The following DNAH14 variants were observed in gnomAD, a reference collection of about 807,000 sequenced individuals.
The protein encoded by DNAH14 is dynein axonemal heavy chain 14, also known as axonemal beta dynein heavy chain 14.
Under a neutral mutation model 520.9 loss-of-function variants are expected in DNAH14, and 478 were observed. That is an observed-to-expected ratio of 0.92 (90% CI 0.85 to 0.99). The LOEUF (loss-of-function observed/expected upper bound fraction) is 0.99, where lower values mean the gene tolerates loss of function less well. DNAH14 is among the 50% of genes least tolerant of loss of function. DNAH14 has a pLI of 0.00. For synonymous variants in DNAH14, 1,581 were observed against 1,757.2 expected (o/e 0.90, Z 2.51); for missense variants, 4,831 against 5,234.5 (o/e 0.92, Z 2.38).
chr1:225,346,755 T>A, intron 71 of DNAH14, 101 bp downstream of exon 71: 1 of 876,060 alleles, frequency 1.1e-6, no homozygotes, highest in Non-Finnish European at 1.7e-6. Flanking sequence ...TTGATTAAAG[T>A]AAAAGTAGCT....
At chr1:225,063,352 T>C (rs1175383050) in intron 17 of DNAH14, among the ~76,000 whole-genome samples, 1 of 152,184 alleles carries the variant, frequency 6.6e-6, no homozygotes, top group African/African-American at 2.4e-5. Context: ...GTAAATGCTG[T>C]GTAACTAATT....
intron 12 of DNAH14, among the ~76,000 whole-genome samples, chr1:225,039,598 ATCTTT>A (rs2067265961): frequency 6.6e-6 from 1 of 151,924 alleles, no homozygotes. Flanking sequence ...AAAAAAAGAA[ATCTTT>A]TCTTGCCAGA....
intron 4 of DNAH14, among the ~76,000 whole-genome samples, chr1:224,960,867 A>T (rs2060801780): frequency 1.3e-5 from 2 of 152,166 alleles, no homozygotes; most frequent in Admixed American, 6.6e-5. Context: ...TCTCACTCAC[A>T]CAGGCTTCAT....
rs183661389 is a variant in DNAH14, at chr1:225,173,177, A to G, written c.5535+5149A>G. Among the ~76,000 whole-genome samples, 731 of 152,350 alleles carry G rather than the reference A, an allele frequency of 4.8e-3. 5 individuals are homozygous for G. Among genetic ancestry groups the G allele is most frequent in the Non-Finnish European group, 8.4e-3 (573 of 68,030 alleles). ...AACCCTAGAAGAAAACCTAGGCAATACCATTCAGGACATAGGCATGGCCAA... is the reference window on the plus strand; with the variant it reads ...AACCCTAGAAGAAAACCTAGGCAATGCCATTCAGGACATAGGCATGGCCAA... On this transcript the variant is annotated intron_variant, in intron 36 of 85. Transcript: ENST00000682510.
Position 225,367,957 on chromosome 1 carries a change from T to C in DNAH14, c.12243T>C (p.Ala4081=). ...KLLFSLCFFN[A]VINERKNYGI... is the part of the protein sequence containing the mutation. ...TATTTAGCCTATGTTTTTTCAATGC[T>C]GTAATCAATGAAAGAAAAAATTACG... Residue 4081 remains alanine (A), a synonymous_variant, in exon 77 of 86, where the codon GCT becomes GCC. Transcript: ENST00000682510. 6.4e-7 allele frequency: 1 copy of C among 1,551,570 alleles called. No individual in the cohort carries two copies. Among genetic ancestry groups the C allele is most frequent in the Non-Finnish European group, 8.7e-7 (1 of 1,146,932 alleles).
chr1:225,322,889 G>A lies in DNAH14; in HGVS notation c.9495+66G>A, dbSNP rs116058527. 5.8e-4 allele frequency: 796 copies of A among 1,377,646 alleles called. 4 individuals are homozygous for A. In the African/African-American group the frequency reaches 0.011, roughly 19 times the overall value. The allele number at this position is 1,377,646 out of a possible 1,614,324, so 85.3% of individuals were successfully genotyped here. On this transcript the variant is annotated intron_variant, in intron 62 of 85. Transcript: ENST00000682510. ...GTCTGTGGGATCAAACAGACCACCT[G>A]CCATCTAAATTGTTCTATTCTTAGA...
chr1:225,303,652 T>G (rs1411065817), intron 57 of DNAH14, among the ~76,000 whole-genome samples: 2 of 152,124 alleles, frequency 1.3e-5, no homozygotes, highest in African/African-American at 4.8e-5. Context: ...CATACCAGAT[T>G]CTATGGTAAG....
At chr1:225,336,046 C>CATACATACTT (rs2095040448) in intron 66 of DNAH14, among the ~76,000 whole-genome samples, 1 of 141,578 alleles carries the variant, frequency 7.1e-6, no homozygotes, top group African/African-American at 2.6e-5. Context: ...CACATATATG[C>CATACATACTT]ATATATACAT....
intron 46 of DNAH14, among the ~76,000 whole-genome samples, chr1:225,263,484 C>T (rs2093010241): frequency 6.6e-6 from 1 of 151,802 alleles, no homozygotes; most frequent in Admixed American, 6.6e-5. Context: ...CCTAGGTCCC[C>T]ATTTTTGCCC....
intron 16 of DNAH14, among the ~76,000 whole-genome samples, chr1:225,051,048 G>T (rs190398414): frequency 7.2e-5 from 11 of 152,228 alleles, no homozygotes; most frequent in Admixed American, 5.2e-4. Context: ...ACCACTCACC[G>T]CCTGCTGTGT....
intron 1 of DNAH14, among the ~76,000 whole-genome samples, chr1:224,940,900 C>T (rs954425013): frequency 1.3e-5 from 2 of 152,106 alleles, no homozygotes; most frequent in African/African-American, 4.8e-5. Context: ...TGCCACATTT[C>T]CTTAATCCAG....
chr1:225,288,642 A>T (rs959372173), intron 54 of DNAH14, among the ~76,000 whole-genome samples: 1 of 152,134 alleles, frequency 6.6e-6, no homozygotes, highest in Non-Finnish European at 1.5e-5. Context: ...GTTTATTTTT[A>T]AAAATAGACA....
At chr1:225,040,415 C>G (rs540226535) in intron 12 of DNAH14, among the ~76,000 whole-genome samples, 36 of 152,114 alleles carry the variant, frequency 2.4e-4, no homozygotes, top group African/African-American at 7.2e-4. Flanking sequence ...AGTAATTTTA[C>G]TTTCGTATAT....
intron 1 of DNAH14, among the ~76,000 whole-genome samples, chr1:224,940,031 T>G (rs542644890): frequency 6.6e-6 from 1 of 152,356 alleles, no homozygotes; most frequent in African/African-American, 2.4e-5. Flanking sequence ...GCTGAGTAGT[T>G]TTGCTGCTCT....
intron 39 of DNAH14, 72 bp downstream of exon 39, chr1:225,204,345 A>G (rs957716402): frequency 3.4e-6 from 3 of 876,852 alleles, no homozygotes; most frequent in Non-Finnish European, 3.4e-6. Context: ...AGCTATATTT[A>G]TATGTTTAAA....
In DNAH14 at chr1:225,398,635, A is replaced by AT. The variant is rs1558639157; in HGVS notation, c.13611dup (p.Pro4538SerfsTer29). 1.3e-6 allele frequency: 2 copies of AT among 1,551,690 alleles called. No homozygotes were observed. Among genetic ancestry groups the AT allele is most frequent in the South Asian group, 2.4e-5 (2 of 84,062 alleles). On this transcript the variant is annotated frameshift_variant, in exon 85 of 86. Coordinates refer to ENST00000682510, the MANE Select transcript of DNAH14 (RefSeq NM_001367479.1). LOFTEE classifies it low-confidence loss of function (END_TRUNC). ...TCGCTGCCTCTGGAGATGTGCTGTG[A>AT]TTTTCCCGACATATACTTTTTGCCA...
In DNAH14 at chr1:225,080,404, C is replaced by A. The variant is rs115366080; in HGVS notation, c.2792C>A (p.Ala931Asp). ...ATAAGAACTCCTCTTCTGTTATGTGCTGGTACTCAAGTGTCAACAGCAATG... is the reference window on the plus strand; with the variant it reads ...ATAAGAACTCCTCTTCTGTTATGTGATGGTACTCAAGTGTCAACAGCAATG... ...AKIRTPLLLC[A>D]GTQVSTAMEM... The change falls in exon 19 of 86, where the codon GCT becomes GAT. Residue 931 changes from alanine to aspartate, a missense_variant. Transcript: ENST00000682510. The A allele has an allele frequency of 0.037, 57,605 of 1,545,784 alleles. 1,263 individuals are homozygous for A. Among genetic ancestry groups the A allele is most frequent in the Middle Eastern group, 0.066 (395 of 5,958 alleles).
rs1280324867 is a variant in DNAH14, at chr1:224,952,221, C to G, written c.-33-449C>G. Among the ~76,000 whole-genome samples, 3 of 152,294 alleles carry G rather than the reference C, an allele frequency of 2.0e-5. No homozygotes were observed. In the East Asian group the frequency reaches 5.8e-4, roughly 29 times the overall value. On this transcript the variant is annotated intron_variant, in intron 1 of 85. Coordinates refer to ENST00000682510, the MANE Select transcript of DNAH14 (RefSeq NM_001367479.1). ...CCACTCCCTTTTGTTCTATTCTATTCTGTCTGAAGAACGCTAGTAGTATAT... is the reference window on the plus strand; with the variant it reads ...CCACTCCCTTTTGTTCTATTCTATTGTGTCTGAAGAACGCTAGTAGTATAT...
At position 225,346,317 on chromosome 1, in the gene DNAH14, G is replaced by GA; in HGVS notation, c.11039dup (p.Asn3680LysfsTer5). Reference sequence around the variant, plus strand: ...CAAAAGAACCCAACCTGGAAAATGAGAAAAATCTCTTAGATAAGCATATTA... The same window carrying GA: ...CAAAAGAACCCAACCTGGAAAATGAGAAAAAATCTCTTAGATAAGCATATTA... On this transcript the variant is annotated frameshift_variant, in exon 70 of 86. Coordinates refer to ENST00000682510, the MANE Select transcript of DNAH14 (RefSeq NM_001367479.1). LOFTEE classifies it high-confidence loss of function. 3 of 1,540,236 alleles carry GA rather than the reference G, an allele frequency of 1.9e-6. No individual in the cohort carries two copies. The highest frequency in any genetic ancestry group is 2.4e-5 in the South Asian group (2 of 82,040).
Sources: allele counts gnomAD v4.1 joint callset (sites outside exome capture counted in the v4.1 genomes callset), GRCh38; gene constraint gnomAD v4.1.1; transcripts MANE v1.5; gene names NCBI Gene and HGNC (gene_info 2026-07-23, HGNC 2026-07-21).